Variants in PSTPIP1 observed in about 807,000 individuals in gnomAD.
PSTPIP1 encodes the protein proline-serine-threonine phosphatase interacting protein 1.
In PSTPIP1, 66 loss-of-function variants were observed where a neutral mutation model predicts 69.6. The observed-to-expected ratio is 0.95, with a 90% CI of 0.78 to 1.16. PSTPIP1 has a LOEUF of 1.16. PSTPIP1 is among the 50% of genes most tolerant of loss of function. The probability of loss-of-function intolerance (pLI) is 0.00; values close to 1 mark genes in which losing one functional copy is unlikely to be tolerated. For missense variants in PSTPIP1, 603 were observed against 557.4 expected (o/e 1.08, Z -0.82); for synonymous variants, 266 against 222.7 (o/e 1.19, Z -1.73).
chr15:77,034,218 A>G (rs1424200547), intron 12 of PSTPIP1, among the ~76,000 whole-genome samples: 3 of 151,894 alleles, frequency 2.0e-5, no homozygotes, highest in African/African-American at 7.3e-5. Flanking sequence ...ACGCAGCACA[A>G]TGGCTCAGCA....
At chr15:77,009,629 C>T (rs543015039) in intron 1 of PSTPIP1, among the ~76,000 whole-genome samples, 9 of 152,154 alleles carry the variant, frequency 5.9e-5, no homozygotes, top group Non-Finnish European at 1.0e-4. Flanking sequence ...TCCAGGAGCC[C>T]GGTGAGCGTC....
At chr15:77,013,410 G>A (rs1027265531) in intron 1 of PSTPIP1, among the ~76,000 whole-genome samples, 1 of 152,196 alleles carries the variant, frequency 6.6e-6, no homozygotes, top group African/African-American at 2.4e-5. Flanking sequence ...TCTCCATGGG[G>A]GGGTGGTGGG....
intron 1 of PSTPIP1, among the ~76,000 whole-genome samples, chr15:77,004,995 G>A (rs1043011828): frequency 6.6e-6 from 1 of 152,166 alleles, no homozygotes; most frequent in Non-Finnish European, 1.5e-5. Context: ...ATTTCTGAGG[G>A]TAGGACCTGG....
At chr15:77,014,124 C>T (rs374114250) in intron 1 of PSTPIP1, among the ~76,000 whole-genome samples, 4 of 152,090 alleles carry the variant, frequency 2.6e-5, no homozygotes, top group African/African-American at 4.8e-5. Flanking sequence ...CAGCCAAGAT[C>T]GTGGCTTGGG....
In PSTPIP1 at chr15:77,018,199, CTGGATGGCAGG is replaced by C. The variant is rs1263340623; in HGVS notation, c.89_99del (p.Leu30GlnfsTer45). Reference sequence around the variant, plus strand: ...CTACGAGGTGCTGCTGCAGCGGCTTCTGGATGGCAGGAAGATGTGCAAAGACATGGAGGAGC... The same window carrying C: ...CTACGAGGTGCTGCTGCAGCGGCTTCAAGATGTGCAAAGACATGGAGGAGC... On this transcript the variant is annotated frameshift_variant, in exon 2 of 15. Transcript: ENST00000558012. LOFTEE classifies it high-confidence loss of function. 1.3e-5 allele frequency: 21 copies of C among 1,590,368 alleles called. No homozygotes were observed. The highest frequency in any genetic ancestry group is 1.8e-5 in the Non-Finnish European group (21 of 1,169,466).
At chr15:77,018,562 C>G in intron 3 of PSTPIP1, 31 bp downstream of exon 3, 1 of 1,527,418 alleles carries the variant, frequency 6.5e-7, no homozygotes, top group Non-Finnish European at 8.8e-7. Flanking sequence ...GGGCTCACTC[C>G]TCTCCTCTGC....
chr15:77,017,735 C>T (rs1341597350), intron 1 of PSTPIP1, among the ~76,000 whole-genome samples: 1 of 152,240 alleles, frequency 6.6e-6, no homozygotes, highest in Non-Finnish European at 1.5e-5. Context: ...ATGTCACCCT[C>T]CTACACCTCG....
chr15:77,020,835 G>A (rs1222052412), intron 3 of PSTPIP1, among the ~76,000 whole-genome samples: 3 of 151,188 alleles, frequency 2.0e-5, no homozygotes, highest in Admixed American at 2.0e-4. Flanking sequence ...GTGAGCAGTG[G>A]CCGTGGACCT....
chr15:77,017,275 C>T lies in PSTPIP1; in HGVS notation c.37-873C>T, dbSNP rs144421314. ...ACTACCTCCCTCCCCCAACTTCTCACACCCAGCTTCCCACACCAGCAGCTC... is the reference window on the plus strand; with the variant it reads ...ACTACCTCCCTCCCCCAACTTCTCATACCCAGCTTCCCACACCAGCAGCTC... On this transcript the variant is annotated intron_variant, in intron 1 of 14. Coordinates refer to ENST00000558012, the MANE Select transcript of PSTPIP1 (RefSeq NM_003978.5). Among the ~76,000 whole-genome samples the T allele has an allele frequency of 1.7e-3, 263 of 152,330 alleles. 1 individual carries two copies. Among genetic ancestry groups the T allele is most frequent in the African/African-American group, 5.2e-3 (216 of 41,558 alleles).
chr15:77,037,331 T>C lies in PSTPIP1; in HGVS notation c.*155T>C. On this transcript the variant is annotated 3_prime_UTR_variant, in exon 15 of 15. Transcript: ENST00000558012. ...GGGAATAAAGGAGTGCGTTCTGTTC[T>C]CCTTGGTGTGCTGGGGTCCCGTTCT... 1.4e-6 allele frequency: 1 copy of C among 702,882 alleles called. No individual in the cohort carries two copies. Among genetic ancestry groups the C allele is most frequent in the Non-Finnish European group, 2.0e-6 (1 of 489,122 alleles). 43.5% of individuals were successfully genotyped at this position (702,882 alleles called of 1,614,324 possible).
chr15:77,036,715 G>T (rs527511934), intron 14 of PSTPIP1, among the ~76,000 whole-genome samples: 1 of 152,134 alleles, frequency 6.6e-6, no homozygotes, highest in Admixed American at 6.6e-5. Context: ...GGAGGCTTGT[G>T]GTAAGCTTAG....
chr15:77,017,213 GTCCTGGGA>G, intron 1 of PSTPIP1, among the ~76,000 whole-genome samples: 1 of 152,112 alleles, frequency 6.6e-6, no homozygotes, highest in Non-Finnish European at 1.5e-5. Flanking sequence ...GCCTGGGAAT[GTCCTGGGA>G]GACCTCTGTT....
At chr15:77,022,314 C>G (rs1448590797) in intron 3 of PSTPIP1, among the ~76,000 whole-genome samples, 1 of 152,152 alleles carries the variant, frequency 6.6e-6, no homozygotes, top group African/African-American at 2.4e-5. Flanking sequence ...GGGCAGGCAG[C>G]AGGGACACAG....
At chr15:77,015,617 C>T (rs1242431465) in intron 1 of PSTPIP1, among the ~76,000 whole-genome samples, 2 of 152,150 alleles carry the variant, frequency 1.3e-5, no homozygotes. Flanking sequence ...ACCCACATGA[C>T]TGATTAAGTT....
At chr15:76,995,078 C>T (rs1205976019), upstream of PSTPIP1, 19 of 1,178,790 alleles carry the variant, frequency 1.6e-5, no homozygotes, top group Non-Finnish European at 2.0e-5. Context: ...ACAGCAACTC[C>T]ACTTCCTGTG....
Position 77,035,527 on chromosome 15 carries a change from G to A in PSTPIP1, c.949G>A (p.Gly317Arg), listed in dbSNP as rs557172402. 16 of 1,592,766 alleles carry A rather than the reference G, an allele frequency of 1.0e-5. No homozygotes were observed. Among genetic ancestry groups the A allele is most frequent in the Admixed American group, 7.0e-5 (4 of 57,044 alleles). ...MIKRFSGLLH[G>R]SPKTTSLAAS... ...TCCCAGGTTCTCTGGACTGCTGCACGGAAGTCCCAAGACCACTTCGTTGGC... is the reference window on the plus strand; with the variant it reads ...TCCCAGGTTCTCTGGACTGCTGCACAGAAGTCCCAAGACCACTTCGTTGGC... Residue 317 changes from glycine (G) to arginine (R), a missense_variant, in exon 13 of 15, where the codon GGA (glycine) becomes AGA (arginine). Physicochemically the swap from Gly to Arg is moderately radical, Grantham distance 125. Coordinates refer to ENST00000558012, the MANE Select transcript of PSTPIP1 (RefSeq NM_003978.5).
At chr15:77,029,438 C>CG (rs2076361478) in intron 7 of PSTPIP1, 91 bp from the exon 8 acceptor site, 1 of 1,453,096 alleles carries the variant, frequency 6.9e-7, no homozygotes, top group Admixed American at 2.0e-5. Flanking sequence ...CCAGGGTGGC[C>CG]GGGGAAGCTT....
chr15:76,996,430 A>G (rs528726788), intron 1 of PSTPIP1, among the ~76,000 whole-genome samples: 10 of 152,286 alleles, frequency 6.6e-5, no homozygotes, highest in African/African-American at 2.4e-4. Flanking sequence ...GCTCTGGGGA[A>G]AAACTGAGAC....
chr15:77,031,816 C>T, intron 10 of PSTPIP1: 1 of 179,614 alleles, frequency 5.6e-6, no homozygotes, highest in Non-Finnish European at 1.2e-5. Flanking sequence ...TCCCGGGCAG[C>T]CCTGGCCCCC....
Sources: gnomAD v4.1 joint callset for allele counts (sites outside exome capture counted in the v4.1 genomes callset) on GRCh38, gnomAD v4.1.1 for gene constraint, MANE v1.5 for transcripts, NCBI Gene and HGNC (gene_info 2026-07-23, HGNC 2026-07-21) for gene names.